C17orf114: variants seen among roughly 807,000 people sequenced by gnomAD.
C17orf114 encodes the protein chromosome 17 open reading frame 114, also known as uncharacterized protein C17orf114.
chr17:4,801,423 G>C, exon 2 of C17orf114: 1 of 398,872 alleles, frequency 2.5e-6, no homozygotes, highest in Non-Finnish European at 4.4e-6. Context: ...GCTATAGCTG[G>C]ACTGGGATCT....
chr17:4,802,362 C>G (rs997662223), upstream of C17orf114: 3 of 398,396 alleles, frequency 7.5e-6, no homozygotes, highest in Admixed American at 8.8e-5. Context: ...GCCAGGAGGG[C>G]CCCCGGGAGA....
At chr17:4,802,429 C>T (rs778974468), upstream of C17orf114, 233 of 396,992 alleles carry the variant, frequency 5.9e-4, no homozygotes, top group Middle Eastern at 1.9e-3. Flanking sequence ...AGCCTCAGAC[C>T]GCCTGGTGAT....
upstream of C17orf114, among the ~76,000 whole-genome samples, chr17:4,803,713 A>C (rs1905572910): frequency 6.6e-6 from 1 of 151,674 alleles, no homozygotes; most frequent in African/African-American, 2.4e-5. Flanking sequence ...GGCATGAGAC[A>C]CAGCACCCGG....
chr17:4,802,952 C>G (rs887484252), upstream of C17orf114, among the ~76,000 whole-genome samples: 1 of 152,106 alleles, frequency 6.6e-6, no homozygotes, highest in Admixed American at 6.6e-5. Flanking sequence ...GAGTCTCACT[C>G]TCTCGCCCAG....
chr17:4,804,440 G>A (rs913786086), upstream of C17orf114, among the ~76,000 whole-genome samples: 3 of 151,932 alleles, frequency 2.0e-5, no homozygotes, highest in Non-Finnish European at 2.9e-5. Flanking sequence ...TCGTGACCTC[G>A]TGATCTGCCC....
upstream of C17orf114, among the ~76,000 whole-genome samples, chr17:4,803,416 A>AT (rs34116712): frequency 0.43 from 32,553 of 75,616 alleles, 9,844 homozygotes; most frequent in South Asian, 0.57. Context: ...GTTTTTTTTA[A>AT]TTTTTTTTTT....
chr17:4,804,308 C>T (rs1363977906), upstream of C17orf114, among the ~76,000 whole-genome samples: 1 of 150,762 alleles, frequency 6.6e-6, no homozygotes, highest in East Asian at 2.0e-4. Context: ...GGGTTCACGC[C>T]ATTCTCCTGC....
At chr17:4,804,466 A>C (rs896226103), upstream of C17orf114, among the ~76,000 whole-genome samples, 1 of 151,952 alleles carries the variant, frequency 6.6e-6, no homozygotes, top group African/African-American at 2.4e-5. Flanking sequence ...AGCCTCGCAA[A>C]GTGCTGGGAT....
exon 2 of C17orf114, chr17:4,801,401 G>T: frequency 2.5e-6 from 1 of 398,914 alleles, no homozygotes. Context: ...CCCTCCCTCA[G>T]CCATGGTGGG....
chr17:4,806,520 G>GA (rs2150664762), upstream of C17orf114, among the ~76,000 whole-genome samples: 1 of 152,302 alleles, frequency 6.6e-6, no homozygotes, highest in South Asian at 2.1e-4. Context: ...AATTCCAGCT[G>GA]AGCAGGCTCT....
chr17:4,801,712 C>T (rs950728204), intron 1 of C17orf114, among the ~76,000 whole-genome samples: 2 of 151,918 alleles, frequency 1.3e-5, no homozygotes, highest in African/African-American at 4.8e-5. Flanking sequence ...TAGGTCTCTG[C>T]TGTCACCATC....
upstream of C17orf114, among the ~76,000 whole-genome samples, chr17:4,803,112 T>G (rs1905551913): frequency 6.6e-6 from 1 of 150,848 alleles, no homozygotes; most frequent in Non-Finnish European, 1.5e-5. Flanking sequence ...AGAGACGGGG[T>G]TTCACCATGT....
chr17:4,802,944 G>A (rs1222109856), upstream of C17orf114, among the ~76,000 whole-genome samples: 2 of 152,078 alleles, frequency 1.3e-5, no homozygotes, highest in African/African-American at 4.8e-5. Flanking sequence ...GGGGGACAGA[G>A]TCTCACTCTC....
upstream of C17orf114, among the ~76,000 whole-genome samples, chr17:4,803,039 C>T (rs1311515736): frequency 6.6e-6 from 1 of 152,110 alleles, no homozygotes; most frequent in South Asian, 2.1e-4. Flanking sequence ...GCCTCAGCCT[C>T]CCAAGTAGCT....
chr17:4,804,693 G>A (rs986810886), upstream of C17orf114, among the ~76,000 whole-genome samples: 1 of 150,236 alleles, frequency 6.7e-6, no homozygotes, highest in African/African-American at 2.5e-5. Flanking sequence ...CTGACTCCCT[G>A]GTTCAAATGA....
upstream of C17orf114, among the ~76,000 whole-genome samples, chr17:4,803,108 G>A (rs887501478): frequency 4.6e-5 from 7 of 151,728 alleles, no homozygotes; most frequent in Non-Finnish European, 8.8e-5. Flanking sequence ...TAGTAGAGAC[G>A]GGGTTTCACC....
chr17:4,801,250 G>A (rs1905500948), exon 2 of C17orf114: 1 of 398,612 alleles, frequency 2.5e-6, no homozygotes, highest in African/African-American at 2.1e-5. Flanking sequence ...AAGGAAGCTT[G>A]CTAAGCCTTC....
exon 2 of C17orf114, chr17:4,801,282 G>A (rs1011189386): frequency 4.0e-5 from 16 of 398,514 alleles, no homozygotes; most frequent in East Asian, 2.1e-4. Context: ...CCTCCTCGTC[G>A]TCCCCTTCAA....
At chr17:4,803,924 G>A (rs571105367), upstream of C17orf114, among the ~76,000 whole-genome samples, 9 of 151,756 alleles carry the variant, frequency 5.9e-5, no homozygotes, top group South Asian at 2.1e-4. Flanking sequence ...CTTTCACCAC[G>A]TTGGCCAGGC....
Sources: gnomAD v4.1 joint callset for allele counts (sites outside exome capture counted in the v4.1 genomes callset) on GRCh38, gnomAD v4.1.1 for gene constraint, MANE v1.5 for transcripts, NCBI Gene and HGNC (gene_info 2026-07-23, HGNC 2026-07-21) for gene names.